Variants in LRBA observed in about 807,000 individuals in gnomAD.
The protein encoded by LRBA is lipopolysaccharide-responsive and beige-like anchor protein.
A neutral mutation model predicts 330.0 loss-of-function variants in LRBA; 176 were observed. The observed-to-expected ratio is 0.53, with a 90% CI of 0.47 to 0.60. The LOEUF (loss-of-function observed/expected upper bound fraction) is 0.60. Ranked by LOEUF, LRBA falls within the 20% of genes least tolerant of loss-of-function variation. The pLI is 0.00. For missense variants in LRBA, 3,259 were observed against 3,444.8 expected (o/e 0.95, Z 1.35); for synonymous variants, 1,230 against 1,193.0 (o/e 1.03, Z -0.64).
chr4:150,594,381 G>A (rs1773239705), intron 38 of LRBA, among the ~76,000 whole-genome samples: 1 of 151,524 alleles, frequency 6.6e-6, no homozygotes, highest in Non-Finnish European at 1.5e-5. Flanking sequence ...TATATGTACT[G>A]GGGAAAAGTA....
chr4:150,852,821 C>T lies in LRBA; in HGVS notation c.2889G>A (p.Arg963=), dbSNP rs146149260. 1.9e-6 allele frequency: 3 copies of T among 1,613,908 alleles called. No individual in the cohort carries two copies. The highest frequency in any genetic ancestry group is 2.5e-6 in the Non-Finnish European group (3 of 1,179,914). The change falls in exon 23 of 57, where the codon AGG becomes AGA. Residue 963 remains arginine, a synonymous_variant. Coordinates refer to ENST00000651943, the MANE Select transcript of LRBA (RefSeq NM_001364905.1). ...GGGATCCTACTGAAACATTAATATC[C>T]CTTCTAATGCCAGAGGCTGCTTGAA... The part of the protein sequence containing the change: ...TSVQAASGIR[R]DINVSVGSQQ...
chr4:150,697,885 T>A (rs1289967419), intron 36 of LRBA, among the ~76,000 whole-genome samples: 2 of 152,082 alleles, frequency 1.3e-5, no homozygotes, highest in Admixed American at 6.5e-5. Context: ...TGCCAGACAT[T>A]CAAGCTATAA....
At chr4:150,503,090 G>C (rs1285764330) in intron 40 of LRBA, among the ~76,000 whole-genome samples, 1 of 152,242 alleles carries the variant, frequency 6.6e-6, no homozygotes, top group Non-Finnish European at 1.5e-5. Context: ...ATAGCTCAAG[G>C]AGGCCTGCCT....
In LRBA at chr4:150,278,018, C is replaced by G. The variant is rs775857567; in HGVS notation, c.8317-14G>C. ...CAGCTGGATGGCCTGTGAGACACAG[C>G]AACATTCAGTAGAAATGTGGTTCTA... On this transcript the variant is annotated splice_polypyrimidine_tract_variant and intron_variant, in intron 55 of 56. Transcript: ENST00000651943. The G allele has an allele frequency of 1.2e-6, 2 of 1,611,982 alleles. No homozygotes were observed. The highest frequency in any genetic ancestry group is 3.3e-5 in the Admixed American group (2 of 59,934).
At chr4:150,745,187 C>A (rs1239987849) in intron 35 of LRBA, among the ~76,000 whole-genome samples, 1 of 152,116 alleles carries the variant, frequency 6.6e-6, no homozygotes, top group East Asian at 1.9e-4. Flanking sequence ...ACTTGTAAAA[C>A]CCTAAACAGA....
At chr4:150,437,666 T>C (rs947563503) in intron 44 of LRBA, among the ~76,000 whole-genome samples, 2 of 151,700 alleles carry the variant, frequency 1.3e-5, no homozygotes, top group Admixed American at 6.6e-5. Context: ...GTGAAAACCC[T>C]GAGCTCACTG....
At chr4:150,343,477 A>G (rs1277257534) in intron 48 of LRBA, among the ~76,000 whole-genome samples, 1 of 152,210 alleles carries the variant, frequency 6.6e-6, no homozygotes, top group African/African-American at 2.4e-5. Context: ...CATCCTGAAC[A>G]AAACGAATAT....
chr4:150,965,697 G>A (rs1738801732), intron 2 of LRBA, among the ~76,000 whole-genome samples: 1 of 151,332 alleles, frequency 6.6e-6, no homozygotes, highest in Non-Finnish European at 1.5e-5. Flanking sequence ...ATACGACCAT[G>A]CCCGGCTAAT....
chr4:150,547,800 G>C (rs1260336126), intron 40 of LRBA, among the ~76,000 whole-genome samples: 3 of 152,010 alleles, frequency 2.0e-5, no homozygotes, highest in Admixed American at 1.3e-4. Flanking sequence ...TCAACTCCAG[G>C]ACACAAATGA....
chr4:150,476,522 C>T (rs548365074), intron 42 of LRBA, among the ~76,000 whole-genome samples: 8 of 152,082 alleles, frequency 5.3e-5, no homozygotes, highest in Non-Finnish European at 8.8e-5. Flanking sequence ...AAAAATGAAG[C>T]CCCCTACACC....
chr4:150,641,112 C>T (rs1778636270), intron 37 of LRBA, among the ~76,000 whole-genome samples: 1 of 152,156 alleles, frequency 6.6e-6, no homozygotes, highest in Non-Finnish European at 1.5e-5. Context: ...TGACATCCTA[C>T]TCTAGACCCT....
At chr4:150,524,266 C>T (rs1334892764) in intron 40 of LRBA, among the ~76,000 whole-genome samples, 1 of 152,150 alleles carries the variant, frequency 6.6e-6, no homozygotes, top group Non-Finnish European at 1.5e-5. Context: ...ACAATCCATA[C>T]TACCTTCCTG....
chr4:150,437,312 G>T (rs1205935687), intron 44 of LRBA, among the ~76,000 whole-genome samples: 1 of 152,028 alleles, frequency 6.6e-6, no homozygotes, highest in Admixed American at 6.6e-5. Context: ...GGAGATAGGT[G>T]AGATGGAGCA....
At chr4:150,456,944 C>T (rs573550485) in intron 44 of LRBA, among the ~76,000 whole-genome samples, 3 of 152,102 alleles carry the variant, frequency 2.0e-5, no homozygotes, top group Non-Finnish European at 4.4e-5. Context: ...CCCCAGTGTA[C>T]GTTCTTGGCA....
intron 47 of LRBA, among the ~76,000 whole-genome samples, chr4:150,380,298 GAAT>G (rs1378111652): frequency 6.6e-6 from 1 of 152,152 alleles, no homozygotes; most frequent in Admixed American, 6.6e-5. Context: ...ACTGTATTCT[GAAT>G]AATATTTACA....
intron 37 of LRBA, among the ~76,000 whole-genome samples, chr4:150,648,554 C>T (rs1344637393): frequency 2.6e-5 from 4 of 151,410 alleles, no homozygotes; most frequent in Admixed American, 6.6e-5. Flanking sequence ...AAAACATGCC[C>T]CCCCACCCCA....
intron 40 of LRBA, among the ~76,000 whole-genome samples, chr4:150,523,149 T>C (rs1763104567): frequency 6.6e-6 from 1 of 152,220 alleles, no homozygotes; most frequent in African/African-American, 2.4e-5. Context: ...GTTAAGACTT[T>C]TGGTGCTATT....
rs373474421 is a variant in LRBA at position 150,697,325 on chromosome 4, G to GAAAGAAAAAAAAAAAAAAAAAAAAAA, written c.5755-13609_5755-13608insTTTTTTTTTTTTTTTTTTTTTTCTTT. On this transcript the variant is annotated intron_variant, in intron 36 of 56. Coordinates refer to ENST00000651943, the MANE Select transcript of LRBA (RefSeq NM_001364905.1). ...GGTGACAGAGTGAGACTTTGTCTCAGAAAAAAAAAAAAAAAAAAAAAAAAA... is the reference window on the plus strand; with the variant it reads ...GGTGACAGAGTGAGACTTTGTCTCAGAAAGAAAAAAAAAAAAAAAAAAAAAAAAAAAAAAAAAAAAAAAAAAAAAAA... Among the ~76,000 whole-genome samples, 4 of 28,054 alleles carry GAAAGAAAAAAAAAAAAAAAAAAAAAA rather than the reference G, an allele frequency of 1.4e-4. 1 individual carries two copies. Among genetic ancestry groups the GAAAGAAAAAAAAAAAAAAAAAAAAAA allele is most frequent in the African/African-American group, 5.3e-4 (4 of 7,602 alleles). 18.4% of individuals were successfully genotyped at this position (28,054 alleles called of 152,430 possible). A position where few individuals can be genotyped will look rare whatever the true frequency, so the allele number is the denominator to read the frequency against.
In LRBA at chr4:151,009,020, T is replaced by C. The variant is rs1275449913; in HGVS notation, c.216+5407A>G. On this transcript the variant is annotated intron_variant, in intron 2 of 56. Transcript: ENST00000651943. ...ATATATATATATATATATATATATA[T>C]ATATATAAAATGGTATTTTTTTTTC... 4.5e-3 allele frequency among the ~76,000 whole-genome samples: 102 copies of C among 22,632 alleles called. 3 individuals are homozygous for C. The highest frequency in any genetic ancestry group is 7.3e-3 in the Non-Finnish European group (83 of 11,342). The allele number at this position is 22,632 out of a possible 152,430, so 14.8% of individuals were successfully genotyped here. A position where few individuals can be genotyped will look rare whatever the true frequency, so the allele number is the denominator to read the frequency against.
Sources: allele counts gnomAD v4.1 joint callset (sites outside exome capture counted in the v4.1 genomes callset), GRCh38; gene constraint gnomAD v4.1.1; transcripts MANE v1.5; gene names NCBI Gene and HGNC (gene_info 2026-07-23, HGNC 2026-07-21).